Variants in CAPN8 observed in about 807,000 individuals in gnomAD.
CAPN8 encodes the protein calpain-8.
CAPN8 carries 87 observed loss-of-function variants against 80.9 expected under a neutral mutation model. That is an observed-to-expected ratio of 1.07 (90% CI 0.90 to 1.28). The LOEUF (loss-of-function observed/expected upper bound fraction) is 1.28, where lower values mean the gene tolerates loss of function less well. Ranked by LOEUF, CAPN8 falls within the 50% of genes most tolerant of loss-of-function variation. The pLI, the probability that CAPN8 is intolerant of heterozygous loss-of-function variation, is 0.00. For synonymous variants in CAPN8, 299 were observed against 273.8 expected (o/e 1.09, Z -0.91); for missense variants, 757 against 702.0 (o/e 1.08, Z -0.89).
At chr1:223,657,672 C>T (rs1429149153) in intron 1 of CAPN8, among the ~76,000 whole-genome samples, 1 of 152,124 alleles carries the variant, frequency 6.6e-6, no homozygotes, top group African/African-American at 2.4e-5. Context: ...GAGGCTGAAG[C>T]AAGAGAATCA....
intron 4 of CAPN8, 21 bp downstream of exon 4, chr1:223,627,988 C>T (rs1336738133): frequency 6.6e-7 from 1 of 1,520,570 alleles, no homozygotes; most frequent in East Asian, 2.5e-5. Context: ...CGTCTCCCAG[C>T]TCCTGGCTTC....
chr1:223,550,566 T>A (rs1291284634), intron 15 of CAPN8, among the ~76,000 whole-genome samples: 2 of 152,184 alleles, frequency 1.3e-5, no homozygotes, highest in African/African-American at 2.4e-5. Flanking sequence ...TCCCTCAAGA[T>A]GAGCTACAGA....
Position 223,618,336 on chromosome 1 carries a change from C to T in CAPN8, c.1135+957G>A, listed in dbSNP as rs1657265499. 3 of 1,548,614 alleles carry T rather than the reference C, an allele frequency of 1.9e-6. No individual in the cohort carries two copies. The South Asian group carries it at 3.6e-5, about 18-fold the overall frequency. On this transcript the variant is annotated intron_variant, in intron 9 of 20. Coordinates refer to ENST00000366872, the MANE Select transcript of CAPN8 (RefSeq NM_001143962.2). ...CGAGCCAGGAAAGCTTCCCACCTTG[C>T]ACCAGGTGAGGACCCAGGGTTAGTG...
At chr1:223,639,680 G>A (rs931952597) in intron 2 of CAPN8, among the ~76,000 whole-genome samples, 4 of 152,248 alleles carry the variant, frequency 2.6e-5, no homozygotes, top group African/African-American at 9.6e-5. Context: ...GGTTTTGAGG[G>A]CTGCCCAAAT....
chr1:223,630,499 G>T (rs1657743847), intron 2 of CAPN8, among the ~76,000 whole-genome samples: 1 of 147,110 alleles, frequency 6.8e-6, no homozygotes, highest in South Asian at 2.1e-4. Flanking sequence ...ATCATGCCTG[G>T]TTAATTTTTT....
At chr1:223,645,982 C>A (rs559296037) in intron 2 of CAPN8, among the ~76,000 whole-genome samples, 1 of 152,270 alleles carries the variant, frequency 6.6e-6, no homozygotes, top group East Asian at 1.9e-4. Context: ...GCAAGAAATG[C>A]CACCTGTAAC....
At chr1:223,620,161 G>A in intron 8 of CAPN8, 31 bp downstream of exon 8, 1 of 1,542,466 alleles carries the variant, frequency 6.5e-7, no homozygotes, top group Non-Finnish European at 8.8e-7. Flanking sequence ...CATCACCAAT[G>A]GGACAGCGCT....
At chr1:223,661,073 C>T (rs980339339) in intron 1 of CAPN8, among the ~76,000 whole-genome samples, 5 of 149,688 alleles carry the variant, frequency 3.3e-5, no homozygotes, top group East Asian at 2.0e-4. Flanking sequence ...GGCTGGGACA[C>T]GAGAATCACT....
chr1:223,659,451 A>G (rs1270727579), intron 1 of CAPN8, among the ~76,000 whole-genome samples: 1 of 152,004 alleles, frequency 6.6e-6, no homozygotes, highest in African/African-American at 2.4e-5. Context: ...CTCTCTTCCC[A>G]TCACAGTGGA....
At chr1:223,555,552 A>C (rs1213504734) in intron 13 of CAPN8, among the ~76,000 whole-genome samples, 2 of 152,238 alleles carry the variant, frequency 1.3e-5, no homozygotes, top group African/African-American at 4.8e-5. Flanking sequence ...TATAGGGAAA[A>C]CAACATTATA....
intron 2 of CAPN8, among the ~76,000 whole-genome samples, chr1:223,634,726 G>C (rs147955716): frequency 6.6e-6 from 1 of 152,176 alleles, no homozygotes; most frequent in Admixed American, 6.5e-5. Context: ...TCTCTAGGGC[G>C]TCTTTTATAA....
intron 16 of CAPN8, among the ~76,000 whole-genome samples, chr1:223,547,855 T>C (rs770070603): frequency 6.6e-6 from 1 of 152,204 alleles, no homozygotes; most frequent in Non-Finnish European, 1.5e-5. Flanking sequence ...ATGAGAATGA[T>C]TCAGAAACCA....
At position 223,622,887 on chromosome 1, in the gene CAPN8, C is replaced by T; in HGVS notation, c.827G>A (p.Gly276Asp). Residue 276 changes from glycine (G) to aspartate (D), a missense_variant, in exon 7 of 21, where the codon GGC (glycine) becomes GAC (aspartate). By Grantham distance (94) the Gly-to-Asp change is moderately conservative (BLOSUM62 -1). Transcript: ENST00000366872. ...GAGTCTGATCAGCTTCTCTGGATGG[C>T]CCTGGAAATTCACCTGCAAATTCCA... The part of the protein sequence containing the change: ...VTGVEEVNFQ[G>D]HPEKLIRLRN... The T allele has an allele frequency of 6.4e-7, 1 of 1,551,650 alleles. No individual in the cohort carries two copies. The highest frequency in any genetic ancestry group is 2.4e-5 in the East Asian group (1 of 40,924).
In CAPN8 at chr1:223,619,331, G is replaced by A; in HGVS notation, c.1097C>T (p.Thr366Ile). ...WNLVLFNGHW[T>I]RGSTAGGCQN... ...GCAGCCCCCAGCTGTGGAGCCCCGG[G>A]TCCAGTGGCCGTTGAACAGGACCAG... The change falls in exon 9 of 21, where the codon ACC becomes ATC. Residue 366 changes from threonine (T) to isoleucine (I), a missense_variant. By Grantham distance (89) the Thr-to-Ile change is moderately conservative. Transcript: ENST00000366872. 1 of 1,551,708 alleles carries A rather than the reference G, an allele frequency of 6.4e-7. No individual in the cohort carries two copies. Among genetic ancestry groups the A allele is most frequent in the East Asian group, 2.4e-5 (1 of 40,916 alleles).
Position 223,628,151 on chromosome 1 carries a change from G to C in CAPN8, c.427-9C>G. ...TCTCCGTACTGCCAGAACTGGGGAG[G>C]GGGGACACAGCGGCTGCTCACATGA... On this transcript the variant is annotated splice_polypyrimidine_tract_variant and intron_variant, in intron 3 of 20. Transcript: ENST00000366872. 5.9e-6 allele frequency: 9 copies of C among 1,516,244 alleles called. No individual in the cohort carries two copies. Among genetic ancestry groups the C allele is most frequent in the Non-Finnish European group, 8.0e-6 (9 of 1,126,986 alleles). The allele number at this position is 1,516,244 out of a possible 1,614,324, so 93.9% of individuals were successfully genotyped here.
rs137997157 is a variant in CAPN8 at position 223,626,298 on chromosome 1, C to T, written c.730-410G>A. Among the ~76,000 whole-genome samples the T allele has an allele frequency of 2.2e-3, 342 of 152,268 alleles. 2 individuals carry two copies. The highest frequency in any genetic ancestry group is 7.7e-3 in the African/African-American group (320 of 41,554). On this transcript the variant is annotated intron_variant, in intron 5 of 20. Coordinates refer to ENST00000366872, the MANE Select transcript of CAPN8 (RefSeq NM_001143962.2). ...TCCCATTTCCTCAGCACCCCCTCTC[C>T]CATGCCCCATACCACCCCTCCACCA...
intron 7 of CAPN8, 70 bp downstream of exon 7, chr1:223,622,745 G>T: frequency 2.6e-6 from 3 of 1,169,242 alleles, no homozygotes; most frequent in Non-Finnish European, 2.5e-6. Flanking sequence ...CGATCTCATT[G>T]TTGTGTGTTT....
In CAPN8 at chr1:223,619,393, C is replaced by G. The variant is rs79075255; in HGVS notation, c.1035G>C (p.Pro345=). The change falls in exon 9 of 21, where the codon CCG becomes CCC. Residue 345 remains proline, a synonymous_variant. Coordinates refer to ENST00000366872, the MANE Select transcript of CAPN8 (RefSeq NM_001143962.2). ...GCACCTCCTCGCTACTCAGAGAGTCCGGGGACAGGTTGCAGATCTCCAACC... is the reference window on the plus strand; with the variant it reads ...GCACCTCCTCGCTACTCAGAGAGTCGGGGGACAGGTTGCAGATCTCCAACC... ...FSRLEICNLS[P]DSLSSEEVHK... is the part of the protein sequence containing the mutation. 3 of 1,551,612 alleles carry G rather than the reference C, an allele frequency of 1.9e-6. No homozygotes were observed. The African/African-American group carries it at 4.1e-5, about 21-fold the overall frequency.
chr1:223,648,371 G>T (rs1440860380), intron 2 of CAPN8, among the ~76,000 whole-genome samples: 1 of 152,192 alleles, frequency 6.6e-6, no homozygotes, highest in Non-Finnish European at 1.5e-5. Flanking sequence ...AGTAGATTTG[G>T]CCCTTTATGT....
Sources: allele counts gnomAD v4.1 joint callset (sites outside exome capture counted in the v4.1 genomes callset), GRCh38; gene constraint gnomAD v4.1.1; transcripts MANE v1.5; gene names NCBI Gene and HGNC (gene_info 2026-07-23, HGNC 2026-07-21).